Variants in GLRA1 observed in about 807,000 individuals in gnomAD.
The protein encoded by GLRA1 is glycine receptor subunit alpha-1.
Under a neutral mutation model 48.3 loss-of-function variants are expected in GLRA1, and 37 were observed. The observed-to-expected ratio is 0.77, with a 90% CI of 0.59 to 1.01. The LOEUF (loss-of-function observed/expected upper bound fraction) is 1.01. Ranked by LOEUF, GLRA1 falls within the 50% of genes least tolerant of loss-of-function variation. The pLI, the probability that GLRA1 is intolerant of heterozygous loss-of-function variation, is 0.00. For synonymous variants in GLRA1, 196 were observed against 210.7 expected (o/e 0.93, Z 0.60); for missense variants, 427 against 571.0 (o/e 0.75, Z 2.57).
chr5:151,837,199 A>G (rs1763600576), intron 7 of GLRA1, among the ~76,000 whole-genome samples: 1 of 152,226 alleles, frequency 6.6e-6, no homozygotes, highest in Admixed American at 6.5e-5. Flanking sequence ...CAGTCAACAA[A>G]CATATGAAAA....
intron 6 of GLRA1, among the ~76,000 whole-genome samples, chr5:151,853,404 C>T (rs1752957255): frequency 1.4e-5 from 2 of 145,484 alleles, no homozygotes. Flanking sequence ...TGCCACCATG[C>T]CCAACTAATT....
At chr5:151,842,525 C>A (rs1763737692) in intron 7 of GLRA1, among the ~76,000 whole-genome samples, 1 of 152,104 alleles carries the variant, frequency 6.6e-6, no homozygotes, top group Admixed American at 6.5e-5. Context: ...TAAATAGATG[C>A]AGAAACAGGA....
At chr5:151,898,242 G>A (rs1163249355) in intron 1 of GLRA1, among the ~76,000 whole-genome samples, 2 of 151,520 alleles carry the variant, frequency 1.3e-5, no homozygotes, top group Non-Finnish European at 2.9e-5. Context: ...CTGGTCTCGG[G>A]ATCCAGATTT....
At chr5:151,827,027 C>CTTTTTTTTTTTTTTTT (rs1581595767) in intron 8 of GLRA1, among the ~76,000 whole-genome samples, 1 of 100,224 alleles carries the variant, frequency 1.0e-5, no homozygotes, top group African/African-American at 3.6e-5. Context: ...TTCTTTCTTT[C>CTTTTTTTTTTTTTTTT]TGTTTTTTTT....
chr5:151,875,728 C>T (rs1753610325), intron 3 of GLRA1: 1 of 152,250 alleles, frequency 6.6e-6, no homozygotes, highest in Admixed American at 6.5e-5. Context: ...TCTTATTGAC[C>T]AAACCGTTCT....
chr5:151,922,769 A>G (rs1468906640), intron 1 of GLRA1, among the ~76,000 whole-genome samples: 2 of 152,234 alleles, frequency 1.3e-5, no homozygotes, highest in African/African-American at 4.8e-5. Context: ...CAATGTCTGG[A>G]GAGGAAAATC....
chr5:151,871,624 G>T lies in GLRA1; in HGVS notation c.253-11616C>A, dbSNP rs899876437. On this transcript the variant is annotated intron_variant, in intron 3 of 8. Coordinates refer to ENST00000274576, the MANE Select transcript of GLRA1 (RefSeq NM_000171.4). The stretch of plus-strand genomic sequence containing the variant: ...CGCCCAGGCTGGAGTGCAGTGGCAC[G>T]ATCTCGGCTCACTGCAAGCTCCGCC... Among the ~76,000 whole-genome samples the T allele has an allele frequency of 2.0e-5, 3 of 147,236 alleles. 1 individual carries two copies. Among genetic ancestry groups the T allele is most frequent in the African/African-American group, 8.0e-5 (3 of 37,648 alleles).
At chr5:151,840,350 C>G (rs114671706) in intron 7 of GLRA1, among the ~76,000 whole-genome samples, 1 of 152,254 alleles carries the variant, frequency 6.6e-6, no homozygotes, top group African/African-American at 2.4e-5. Flanking sequence ...CTACCTGCCT[C>G]AGCCTCCCAA....
At chr5:151,915,259 C>T (rs1257691521) in intron 1 of GLRA1, among the ~76,000 whole-genome samples, 2 of 151,986 alleles carry the variant, frequency 1.3e-5, no homozygotes, top group Non-Finnish European at 2.9e-5. Context: ...GCAGTTGGGG[C>T]TGAGATGGGG....
chr5:151,908,855 A>G (rs1337227058), intron 1 of GLRA1, among the ~76,000 whole-genome samples: 3 of 152,040 alleles, frequency 2.0e-5, no homozygotes, highest in Admixed American at 6.5e-5. Context: ...CAGAGTCTCT[A>G]TCTACTTTCT....
At chr5:151,917,972 A>G (rs946540200) in intron 1 of GLRA1, among the ~76,000 whole-genome samples, 1 of 152,200 alleles carries the variant, frequency 6.6e-6, no homozygotes, top group Non-Finnish European at 1.5e-5. Context: ...GCTCCCTGTT[A>G]AGATGGTAAA....
At chr5:151,850,749 T>C (rs1752881793) in intron 7 of GLRA1, 2 of 1,037,786 alleles carry the variant, frequency 1.9e-6, no homozygotes, top group African/African-American at 3.1e-5. Context: ...TCAACACGTG[T>C]CTTCTCAATG....
At chr5:151,865,976 C>G (rs1332108445) in intron 3 of GLRA1, among the ~76,000 whole-genome samples, 2 of 152,182 alleles carry the variant, frequency 1.3e-5, no homozygotes, top group Non-Finnish European at 2.9e-5. Flanking sequence ...GCTTATTTGG[C>G]CATAGCTATA....
At chr5:151,892,279 C>T (rs1754096535) in intron 2 of GLRA1, 32 bp downstream of exon 2, 1 of 1,609,112 alleles carries the variant, frequency 6.2e-7, no homozygotes, top group Non-Finnish European at 8.5e-7. Flanking sequence ...GAAAGCATTT[C>T]CCTGTGGGTC....
At chr5:151,848,537 T>C (rs2113332213) in intron 7 of GLRA1, among the ~76,000 whole-genome samples, 1 of 152,148 alleles carries the variant, frequency 6.6e-6, no homozygotes, top group Non-Finnish European at 1.5e-5. Flanking sequence ...TGACTAAGAG[T>C]TTCTGTGTTT....
intron 7 of GLRA1, among the ~76,000 whole-genome samples, chr5:151,831,808 C>T (rs1763434717): frequency 6.6e-6 from 1 of 152,244 alleles, no homozygotes; most frequent in African/African-American, 2.4e-5. Context: ...TGCTAAGGGA[C>T]AGACTGCCTC....
Position 151,869,774 on chromosome 5 carries a change from C to G in GLRA1, c.253-9766G>C, listed in dbSNP as rs75142821. On this transcript the variant is annotated intron_variant, in intron 3 of 8. Transcript: ENST00000274576. Reference sequence around the variant, plus strand: ...ACAACAAAAAAAACCTTTTCATCAACCTAGCATACTGGGCATTATTATACT... The same window carrying G: ...ACAACAAAAAAAACCTTTTCATCAAGCTAGCATACTGGGCATTATTATACT... Among the ~76,000 whole-genome samples, 214 of 149,700 alleles carry G rather than the reference C, an allele frequency of 1.4e-3. 6 individuals carry two copies. In the East Asian group the frequency reaches 0.015, roughly 10 times the overall value.
chr5:151,862,497 A>G (rs1183078489), intron 3 of GLRA1, among the ~76,000 whole-genome samples: 5 of 152,208 alleles, frequency 3.3e-5, no homozygotes, highest in African/African-American at 1.2e-4. Flanking sequence ...AACCTACAGA[A>G]TGGGAGAAAA....
At chr5:151,859,646 G>A (rs996563341) in intron 4 of GLRA1, 139 bp downstream of exon 4, 8 of 690,954 alleles carry the variant, frequency 1.2e-5, no homozygotes, top group Admixed American at 2.1e-5. Flanking sequence ...ACAGAGCTGG[G>A]TCTACCTATT....
Sources: gnomAD v4.1 joint callset for allele counts (sites outside exome capture counted in the v4.1 genomes callset) on GRCh38, gnomAD v4.1.1 for gene constraint, MANE v1.5 for transcripts, NCBI Gene and HGNC (gene_info 2026-07-23, HGNC 2026-07-21) for gene names.